Variants in SLC39A8 observed in about 807,000 individuals in gnomAD.
SLC39A8 encodes solute carrier family 39 member 8.
SLC39A8 carries 15 observed loss-of-function variants against 40.4 expected under a neutral mutation model. The ratio of observed to expected loss-of-function variants is 0.37; its 90% CI spans 0.25 to 0.57. SLC39A8 has a LOEUF of 0.57. SLC39A8 is among the 20% of genes least tolerant of loss of function. The pLI, the probability that SLC39A8 is intolerant of heterozygous loss-of-function variation, is 0.75. For synonymous variants in SLC39A8, 223 were observed against 221.6 expected (o/e 1.01, Z -0.06); for missense variants, 472 against 558.8 (o/e 0.84, Z 1.57).
chr4:102,289,587 T>G (rs965325556), intron 6 of SLC39A8, among the ~76,000 whole-genome samples: 1 of 152,132 alleles, frequency 6.6e-6, no homozygotes, highest in African/African-American at 2.4e-5. Flanking sequence ...ATTAAGAACA[T>G]TTATGATTCA....
rs767374925 is a variant in SLC39A8 at position 102,268,012 on chromosome 4, A to G, written c.908T>C (p.Ile303Thr). The change falls in exon 7 of 9, where the codon ATT (isoleucine) becomes ACT (threonine). Residue 303 changes from isoleucine to threonine, a missense_variant. By Grantham distance (89) the Ile-to-Thr change is moderately conservative. Transcript: ENST00000356736. ...ATCGCAGAGCGTTATCATCCAGGCA[A>G]TCGTCCCTATTTCTGACAGTTTGGG... ...KGPKLSEIGT[I>T]AWMITLCDAL... 8.1e-6 allele frequency: 13 copies of G among 1,614,222 alleles called. No individual in the cohort carries two copies. Among genetic ancestry groups the G allele is most frequent in the South Asian group, 2.2e-5 (2 of 91,084 alleles).
intron 2 of SLC39A8, among the ~76,000 whole-genome samples, chr4:102,340,590 G>C (rs1403552790): frequency 6.6e-6 from 1 of 152,188 alleles, no homozygotes; most frequent in Non-Finnish European, 1.5e-5. Context: ...GGACTTTGAA[G>C]CCACTCTAAG....
chr4:102,269,793 C>T (rs1017500098), intron 6 of SLC39A8: 6 of 152,258 alleles, frequency 3.9e-5, no homozygotes, highest in South Asian at 2.1e-4. Flanking sequence ...CTCTTCTGAA[C>T]GCTTGATGCA....
intron 6 of SLC39A8, among the ~76,000 whole-genome samples, chr4:102,299,160 T>C (rs1271926936): frequency 1.3e-5 from 2 of 151,984 alleles, no homozygotes; most frequent in African/African-American, 4.8e-5. Context: ...ACTTCCCAAG[T>C]GATAGCCAGT....
In SLC39A8 at chr4:102,320,045, C is replaced by T. The variant is rs534955388; in HGVS notation, c.220-4215G>A. Reference sequence around the variant, plus strand: ...CTGGCTCCTCTGGTTCTCGGGCTTTCAGACACAGGCTAAATTAAAGCATTG... The same window carrying T: ...CTGGCTCCTCTGGTTCTCGGGCTTTTAGACACAGGCTAAATTAAAGCATTG... On this transcript the variant is annotated intron_variant, in intron 2 of 8. Transcript: ENST00000356736. Among the ~76,000 whole-genome samples the T allele has an allele frequency of 3.3e-5, 5 of 151,118 alleles. No individual in the cohort carries two copies. The South Asian group carries it at 6.3e-4, about 19-fold the overall frequency.
At chr4:102,312,935 G>T (rs1202267672) in intron 3 of SLC39A8, among the ~76,000 whole-genome samples, 1 of 152,120 alleles carries the variant, frequency 6.6e-6, no homozygotes, top group African/African-American at 2.4e-5. Flanking sequence ...GTCAAGGGTA[G>T]TATCCTAAAG....
At chr4:102,267,732 A>G in intron 7 of SLC39A8, 58 bp from the exon 8 acceptor site, 1 of 1,528,968 alleles carries the variant, frequency 6.5e-7, no homozygotes, top group Non-Finnish European at 8.8e-7. Context: ...TCTGGATGAT[A>G]TCAAAGATAA....
Position 102,344,733 on chromosome 4 carries a change from C to A in SLC39A8, c.-71G>T. 3.7e-6 allele frequency: 5 copies of A among 1,366,530 alleles called. No homozygotes were observed. The highest frequency in any genetic ancestry group is 4.7e-6 in the Non-Finnish European group (5 of 1,067,728). The allele number at this position is 1,366,530 out of a possible 1,614,324, so 84.7% of individuals were successfully genotyped here. A position where few individuals can be genotyped will look rare whatever the true frequency, so the allele number is the denominator to read the frequency against. On this transcript the variant is annotated 5_prime_UTR_variant, in exon 2 of 9. Coordinates refer to ENST00000356736, the MANE Select transcript of SLC39A8 (RefSeq NM_001135146.2). ...AGAGGGACGCGCGCGGGCGCACTGG[C>A]GTCCTTGCCCAAGGGCGGGAGCGTC...
intron 6 of SLC39A8, among the ~76,000 whole-genome samples, chr4:102,274,923 G>C (rs1188319298): frequency 6.6e-6 from 1 of 152,154 alleles, no homozygotes; most frequent in African/African-American, 2.4e-5. Flanking sequence ...GTCACCACCA[G>C]GCCTGCCTTA....
At chr4:102,287,734 G>C (rs2165266) in intron 6 of SLC39A8, among the ~76,000 whole-genome samples, 45,503 of 151,924 alleles carry the variant, frequency 0.3, 7,391 homozygotes, top group East Asian at 0.4. Flanking sequence ...TGTATACTTA[G>C]ATTTTATTTA....
chr4:102,282,623 G>A (rs1157962175), intron 6 of SLC39A8, among the ~76,000 whole-genome samples: 1 of 152,154 alleles, frequency 6.6e-6, no homozygotes, highest in African/African-American at 2.4e-5. Context: ...AATGGTGGGG[G>A]GGGGTGCTGA....
intron 2 of SLC39A8, among the ~76,000 whole-genome samples, chr4:102,323,110 C>T (rs916708113): frequency 1.3e-4 from 20 of 152,180 alleles, no homozygotes; most frequent in African/African-American, 4.6e-4. Context: ...TGGCGATCTC[C>T]TGTTCTTTAA....
At chr4:102,335,435 A>G (rs552100038) in intron 2 of SLC39A8, among the ~76,000 whole-genome samples, 12 of 152,266 alleles carry the variant, frequency 7.9e-5, no homozygotes, top group Non-Finnish European at 1.2e-4. Flanking sequence ...TTTCTATCCA[A>G]CAGGGTTCAG....
At chr4:102,337,928 A>G (rs1376243455) in intron 2 of SLC39A8, among the ~76,000 whole-genome samples, 1 of 152,218 alleles carries the variant, frequency 6.6e-6, no homozygotes, top group East Asian at 1.9e-4. Flanking sequence ...AAAATTCATC[A>G]CATTTGGTAT....
chr4:102,334,150 C>G (rs1014585046), intron 2 of SLC39A8, among the ~76,000 whole-genome samples: 2 of 152,088 alleles, frequency 1.3e-5, no homozygotes, highest in African/African-American at 4.8e-5. Flanking sequence ...GCATTCGCAC[C>G]TTTCTATGGT....
intron 6 of SLC39A8, among the ~76,000 whole-genome samples, chr4:102,276,937 A>G (rs1732644546): frequency 6.6e-6 from 1 of 152,146 alleles, no homozygotes; most frequent in Non-Finnish European, 1.5e-5. Context: ...AAAATTCAAC[A>G]CCCTTTCAAG....
At chr4:102,295,076 A>T (rs1424734333) in intron 6 of SLC39A8, among the ~76,000 whole-genome samples, 1 of 149,510 alleles carries the variant, frequency 6.7e-6, no homozygotes, top group Non-Finnish European at 1.5e-5. Flanking sequence ...CCATTTTTAC[A>T]CATCTATTTA....
intron 6 of SLC39A8, among the ~76,000 whole-genome samples, chr4:102,268,814 T>A (rs1282316552): frequency 2.6e-5 from 4 of 152,216 alleles, no homozygotes; most frequent in Admixed American, 2.6e-4. Flanking sequence ...GAAAATCCTG[T>A]GATGGACTCT....
intron 2 of SLC39A8, among the ~76,000 whole-genome samples, chr4:102,333,034 G>GAGGT (rs1560569512): frequency 1.3e-5 from 2 of 152,170 alleles, no homozygotes; most frequent in Non-Finnish European, 2.9e-5. Flanking sequence ...GGGGCTAGGG[G>GAGGT]AGGTATAGCA....
Sources: allele counts gnomAD v4.1 joint callset (sites outside exome capture counted in the v4.1 genomes callset), GRCh38; gene constraint gnomAD v4.1.1; transcripts MANE v1.5; gene names NCBI Gene and HGNC (gene_info 2026-07-23, HGNC 2026-07-21).